Variants in METTL15 observed in about 807,000 individuals in gnomAD.
The protein encoded by METTL15 is methyltransferase 15, mitochondrial 12S rRNA N4-cytidine, also known as 12S rRNA N(4)-cytidine methyltransferase METTL15.
METTL15 carries 34 observed loss-of-function variants against 38.3 expected under a neutral mutation model. The ratio of observed to expected loss-of-function variants is 0.89; its 90% CI spans 0.68 to 1.18. The LOEUF (loss-of-function observed/expected upper bound fraction) is 1.18. Among genes scored for constraint, METTL15 ranks in the 50% most tolerant of loss-of-function variants. The probability of loss-of-function intolerance (pLI) is 0.00; values close to 1 mark genes in which losing one functional copy is unlikely to be tolerated. For synonymous variants in METTL15, 162 were observed against 170.9 expected (o/e 0.95, Z 0.41); for missense variants, 438 against 498.4 (o/e 0.88, Z 1.15).
intron 6 of METTL15, among the ~76,000 whole-genome samples, chr11:28,321,876 C>A (rs985590766): frequency 7.9e-6 from 1 of 127,182 alleles, no homozygotes; most frequent in Non-Finnish European, 1.6e-5. Context: ...CAATGGAACA[C>A]AATTGAGAAT....
At chr11:28,531,680 T>A (rs1469415170), downstream of METTL15, among the ~76,000 whole-genome samples, 1 of 152,056 alleles carries the variant, frequency 6.6e-6, no homozygotes, top group Non-Finnish European at 1.5e-5. Context: ...TTGTGAACAC[T>A]TGAAAAATGG....
chr11:28,292,788 T>G (rs542950045), intron 5 of METTL15, among the ~76,000 whole-genome samples: 1 of 152,336 alleles, frequency 6.6e-6, no homozygotes, highest in African/African-American at 2.4e-5. Context: ...GTGGTTTTGA[T>G]TTGCATTTCT....
intron 5 of METTL15, among the ~76,000 whole-genome samples, chr11:28,376,679 T>C (rs1479326547): frequency 6.6e-6 from 1 of 152,054 alleles, no homozygotes; most frequent in Non-Finnish European, 1.5e-5. Flanking sequence ...AATAGTGTTA[T>C]GTGTGAATTT....
At chr11:28,122,314 A>C (rs1852277281) in intron 3 of METTL15, 1 of 418,752 alleles carries the variant, frequency 2.4e-6, no homozygotes, top group African/African-American at 2.2e-5. Flanking sequence ...TTCAAATCCT[A>C]GTATATAGAT....
At chr11:28,305,451 G>A (rs1051577776) in intron 6 of METTL15, among the ~76,000 whole-genome samples, 1 of 152,140 alleles carries the variant, frequency 6.6e-6, no homozygotes, top group Non-Finnish European at 1.5e-5. Flanking sequence ...CAACCCATGA[G>A]GCTGGTACTG....
chr11:28,124,061 A>G (rs1438451385), intron 3 of METTL15: 9 of 420,188 alleles, frequency 2.1e-5, no homozygotes, highest in Middle Eastern at 5.8e-4. Flanking sequence ...TGTGCAAAGT[A>G]TCATGTCAGA....
chr11:28,154,126 GAAATTA>G (rs1341340132), intron 3 of METTL15, among the ~76,000 whole-genome samples: 3 of 152,098 alleles, frequency 2.0e-5, no homozygotes, highest in Admixed American at 1.3e-4. Context: ...GAGCTGGAAG[GAAATTA>G]GGAGGTACAA....
chr11:28,437,237 C>T (rs781564762), intron 6 of METTL15, among the ~76,000 whole-genome samples: 1 of 152,184 alleles, frequency 6.6e-6, no homozygotes, highest in Non-Finnish European at 1.5e-5. Context: ...TATTGTGGGA[C>T]TTCACCTTGT....
chr11:28,438,672 CT>C (rs1171439330), intron 6 of METTL15, among the ~76,000 whole-genome samples: 178 of 128,212 alleles, frequency 1.4e-3, no homozygotes, highest in Middle Eastern at 4.1e-3. Flanking sequence ...TTTCTTTTTT[CT>C]TTTTTTTTTT....
At chr11:28,498,427 G>A (rs1317481803) in intron 6 of METTL15, among the ~76,000 whole-genome samples, 1 of 152,070 alleles carries the variant, frequency 6.6e-6, no homozygotes, top group East Asian at 1.9e-4. Flanking sequence ...CAAAGTGCTG[G>A]GATTACAGGC....
intron 3 of METTL15, among the ~76,000 whole-genome samples, chr11:28,167,974 C>G (rs1850713974): frequency 6.6e-6 from 1 of 151,892 alleles, no homozygotes; most frequent in South Asian, 2.1e-4. Context: ...CAGGAATGCA[C>G]CAGTCCATTT....
chr11:28,224,422 TA>T (rs1490767271), intron 4 of METTL15, among the ~76,000 whole-genome samples: 1 of 151,916 alleles, frequency 6.6e-6, no homozygotes, highest in African/African-American at 2.4e-5. Context: ...AATTTTTTCT[TA>T]ATTAAAATTA....
chr11:28,218,588 A>G (rs1565176408), intron 4 of METTL15, among the ~76,000 whole-genome samples: 1 of 152,102 alleles, frequency 6.6e-6, no homozygotes, highest in Non-Finnish European at 1.5e-5. Flanking sequence ...AGAACTTCCA[A>G]CACTGTGTTG....
chr11:28,407,094 T>C (rs948309331), intron 5 of METTL15, among the ~76,000 whole-genome samples: 3 of 152,180 alleles, frequency 2.0e-5, no homozygotes, highest in Admixed American at 6.5e-5. Context: ...GCCAGTATTA[T>C]ATTGAGGATT....
At chr11:28,386,299 T>C (rs1179597286) in intron 5 of METTL15, among the ~76,000 whole-genome samples, 1 of 151,980 alleles carries the variant, frequency 6.6e-6, no homozygotes, top group Non-Finnish European at 1.5e-5. Flanking sequence ...TGCCCCAGGC[T>C]GAATGGATAA....
chr11:28,488,651 C>A (rs1564945520), intron 6 of METTL15, among the ~76,000 whole-genome samples: 2 of 152,176 alleles, frequency 1.3e-5, no homozygotes, highest in Non-Finnish European at 2.9e-5. Context: ...CCCAGCTTGG[C>A]TGGATTTTGT....
chr11:28,403,887 C>T (rs1255229662), intron 5 of METTL15, among the ~76,000 whole-genome samples: 2 of 152,000 alleles, frequency 1.3e-5, no homozygotes, highest in African/African-American at 4.8e-5. Context: ...GTAAAAATGA[C>T]TCTAAATAGC....
chr11:28,306,778 A>G (rs1857097132), intron 6 of METTL15, among the ~76,000 whole-genome samples: 1 of 152,048 alleles, frequency 6.6e-6, no homozygotes, highest in Admixed American at 6.6e-5. Context: ...AAGATCAAAG[A>G]TTATATTTTT....
chr11:28,471,082 G>T (rs1224740142), intron 6 of METTL15, among the ~76,000 whole-genome samples: 2 of 152,010 alleles, frequency 1.3e-5, no homozygotes, highest in Non-Finnish European at 2.9e-5. Context: ...ATCACCTGGG[G>T]CTAGAGCCAT....
Sources: allele counts gnomAD v4.1 joint callset (sites outside exome capture counted in the v4.1 genomes callset), GRCh38; gene constraint gnomAD v4.1.1; transcripts MANE v1.5; gene names NCBI Gene and HGNC (gene_info 2026-07-23, HGNC 2026-07-21).